The following MAP3K1 variants were observed in gnomAD, a reference collection of about 807,000 sequenced individuals.
MAP3K1 encodes mitogen-activated protein kinase kinase kinase 1, also known as MAP/ERK kinase kinase 1.
Under a neutral mutation model 144.2 loss-of-function variants are expected in MAP3K1, and 36 were observed. The observed-to-expected ratio is 0.25, with a 90% CI of 0.19 to 0.33. MAP3K1 has a LOEUF of 0.33. MAP3K1 is among the 10% of genes least tolerant of loss of function. The pLI is 1.00. For synonymous variants in MAP3K1, 718 were observed against 688.7 expected (o/e 1.04, Z -0.67); for missense variants, 1,650 against 1,881.9 (o/e 0.88, Z 2.28).
chr5:56,838,348 A>G (rs984051605), intron 1 of MAP3K1, among the ~76,000 whole-genome samples: 2 of 152,242 alleles, frequency 1.3e-5, no homozygotes, highest in Admixed American at 6.5e-5. Context: ...TTTGAAGCAT[A>G]TAGCAGGAAA....
At chr5:56,849,545 T>C (rs1333620270) in intron 1 of MAP3K1, among the ~76,000 whole-genome samples, 1 of 152,188 alleles carries the variant, frequency 6.6e-6, no homozygotes, top group African/African-American at 2.4e-5. Context: ...TTTCAGAATG[T>C]GAGCCATTTT....
At chr5:56,878,544 T>G (rs905814722) in intron 10 of MAP3K1, among the ~76,000 whole-genome samples, 2 of 152,188 alleles carry the variant, frequency 1.3e-5, no homozygotes, top group Non-Finnish European at 2.9e-5. Context: ...CTTCTCTGTT[T>G]ATATACCTAT....
intron 1 of MAP3K1, among the ~76,000 whole-genome samples, chr5:56,816,577 G>C (rs900066069): frequency 1.3e-5 from 2 of 152,120 alleles, no homozygotes; most frequent in Non-Finnish European, 2.9e-5. Flanking sequence ...CCCAGCGGCC[G>C]TGACAGGCAG....
intron 9 of MAP3K1, among the ~76,000 whole-genome samples, chr5:56,873,733 A>C: frequency 6.6e-6 from 1 of 152,230 alleles, no homozygotes; most frequent in East Asian, 1.9e-4. Context: ...GAACAGGTGC[A>C]TTAACACATT....
At chr5:56,851,811 A>G (rs1235029643) in intron 1 of MAP3K1, among the ~76,000 whole-genome samples, 1 of 152,072 alleles carries the variant, frequency 6.6e-6, no homozygotes, top group African/African-American at 2.4e-5. Flanking sequence ...ATTAGCCACC[A>G]CCCTTAGGAC....
chr5:56,887,273 T>C (rs1019579293), intron 17 of MAP3K1, 105 bp from the exon 18 acceptor site: 6 of 1,100,310 alleles, frequency 5.5e-6, no homozygotes, highest in Non-Finnish European at 8.2e-6. Flanking sequence ...TGTAGTTCAC[T>C]TCTTTCTTTT....
chr5:56,817,328 C>T (rs1469298345), intron 1 of MAP3K1, among the ~76,000 whole-genome samples: 1 of 152,188 alleles, frequency 6.6e-6, no homozygotes, highest in Non-Finnish European at 1.5e-5. Context: ...GTAGAATTCC[C>T]TGACCTTTAT....
rs1373350256 is a variant in MAP3K1 at position 56,855,129 on chromosome 5, CCTCCTCCTTTCTT to C, written c.483-1467_483-1455del. Among the ~76,000 whole-genome samples the C allele has an allele frequency of 2.0e-5, 3 of 148,430 alleles. No individual in the cohort carries two copies. In the Admixed American group the frequency reaches 2.1e-4, roughly 10 times the overall value. ...CCTTCCTCTCCCTCCTCCTTTTTCT[CCTCCTCCTTTCTT>C]CTCTGCCTTCTTCCCTTCTCTCCAT... On this transcript the variant is annotated intron_variant, in intron 1 of 19. Transcript: ENST00000399503.
intron 1 of MAP3K1, among the ~76,000 whole-genome samples, chr5:56,816,851 T>C (rs1305945315): frequency 6.6e-6 from 1 of 152,230 alleles, no homozygotes; most frequent in Non-Finnish European, 1.5e-5. Flanking sequence ...GAGTGACTTC[T>C]GTTTGGAGTT....
chr5:56,824,648 A>G (rs1471552606), intron 1 of MAP3K1, among the ~76,000 whole-genome samples: 1 of 152,234 alleles, frequency 6.6e-6, no homozygotes, highest in Non-Finnish European at 1.5e-5. Context: ...AATATAGATT[A>G]AGGAAAATTA....
chr5:56,852,164 A>G (rs1251433565), intron 1 of MAP3K1: 1 of 152,010 alleles, frequency 6.6e-6, no homozygotes, highest in African/African-American at 2.4e-5. Context: ...CTATGAGAAG[A>G]GGGCCATAGT....
Position 56,881,235 on chromosome 5 carries a change from A to C in MAP3K1, c.2332A>C (p.Ser778Arg), listed in dbSNP as rs775415674. Reference protein sequence around the residue: ...FPAEFYPHIVSTDVSQAEPVE... With the variant: ...FPAEFYPHIVRTDVSQAEPVE... Reference sequence around the variant, plus strand: ...TGCTGAATTTTATCCTCATATTGTCAGTACTGATGTTTCACAAGCTGAGCC... The same window carrying C: ...TGCTGAATTTTATCCTCATATTGTCCGTACTGATGTTTCACAAGCTGAGCC... Residue 778 changes from serine to arginine, a missense_variant, in exon 13 of 20, where the codon AGT (serine) becomes CGT (arginine). Physicochemically the swap from Ser to Arg is moderately radical, Grantham distance 110 (BLOSUM62 -1). Coordinates refer to ENST00000399503, the MANE Select transcript of MAP3K1 (RefSeq NM_005921.2). 1.9e-6 allele frequency: 3 copies of C among 1,613,622 alleles called. No individual in the cohort carries two copies. The East Asian group carries it at 6.7e-5, about 36-fold the overall frequency.
chr5:56,888,063 A>G, intron 18 of MAP3K1, 163 bp from the exon 19 acceptor site: 1 of 646,596 alleles, frequency 1.5e-6, no homozygotes, highest in South Asian at 1.9e-5. Flanking sequence ...GCTACCTGGA[A>G]AATTAAGCTC....
intron 1 of MAP3K1, among the ~76,000 whole-genome samples, chr5:56,830,554 T>C (rs1233113277): frequency 1.3e-5 from 2 of 152,180 alleles, no homozygotes; most frequent in African/African-American, 4.8e-5. Context: ...TATAGAAAAG[T>C]TGCTATAGTG....
In MAP3K1 at chr5:56,880,732, A is replaced by G. The variant is rs376619204; in HGVS notation, c.2109A>G (p.Ile703Met). ...DANSRTSQLS[I>M]STLLELCKGQ... ...TTAGCCGCACAAGTCAGCTGTCCAT[A>G]TCAACACTGTTGGAACTGTGCAAAG... The change falls in exon 12 of 20, where the codon ATA (isoleucine) becomes ATG (methionine). Residue 703 changes from isoleucine (I) to methionine (M), a missense_variant. Ile to Met is a conservative substitution (Grantham distance 10). This residue lies in a region of MAP3K1 where 841 missense variants were observed against 886.5 expected (regional missense o/e 0.95). Transcript: ENST00000399503. 15 of 1,613,560 alleles carry G rather than the reference A, an allele frequency of 9.3e-6. No individual in the cohort carries two copies. In the African/African-American group the frequency reaches 1.9e-4, roughly 20 times the overall value.
In MAP3K1 at chr5:56,864,741, G is replaced by A. The variant is rs1217275190; in HGVS notation, c.842G>A (p.Ser281Asn). 1.2e-6 allele frequency: 2 copies of A among 1,613,970 alleles called. No individual in the cohort carries two copies. Among genetic ancestry groups the A allele is most frequent in the Non-Finnish European group, 1.7e-6 (2 of 1,180,000 alleles). ...AAAAAAAATGTTGTGAAGTTTCAGA[G>A]TGGCAGAATCACACCACCCCGAAGA... ...RKRVSPVPFQ[S>N]GRITPPRRAP... The change falls in exon 4 of 20, where the codon AGT becomes AAT. Residue 281 changes from serine to asparagine, a missense_variant. Transcript: ENST00000399503.
intron 1 of MAP3K1, among the ~76,000 whole-genome samples, chr5:56,824,448 T>A (rs1399045976): frequency 6.6e-6 from 1 of 152,194 alleles, no homozygotes; most frequent in Non-Finnish European, 1.5e-5. Context: ...GGGGTGGCGG[T>A]GTGAGTCCTG....
At chr5:56,877,041 T>C (rs1748054005) in intron 10 of MAP3K1, among the ~76,000 whole-genome samples, 1 of 152,180 alleles carries the variant, frequency 6.6e-6, no homozygotes. Context: ...TCTAGGATCC[T>C]TCAGTAAGCT....
intron 1 of MAP3K1, chr5:56,820,515 AT>A (rs1268547996): frequency 2.0e-6 from 2 of 985,284 alleles, no homozygotes; most frequent in African/African-American, 3.5e-5. Flanking sequence ...TGTATATGTA[AT>A]ACAAGTAAAC....
Sources: gnomAD v4.1 joint callset for allele counts (sites outside exome capture counted in the v4.1 genomes callset) on GRCh38, gnomAD v4.1.1 for gene constraint, gnomAD v4.1.1 regional missense constraint, MANE v1.5 for transcripts, NCBI Gene and HGNC (gene_info 2026-07-23, HGNC 2026-07-21) for gene names.